Variants in CPPED1 observed in about 807,000 individuals in gnomAD.
CPPED1 encodes calcineurin like phosphoesterase domain containing 1.
Under a neutral mutation model 28.0 loss-of-function variants are expected in CPPED1, and 28 were observed. The ratio of observed to expected loss-of-function variants is 1.00; its 90% CI spans 0.74 to 1.37. CPPED1 has a LOEUF of 1.37. CPPED1 is among the 40% of genes most tolerant of loss of function. The pLI, the probability that CPPED1 is intolerant of heterozygous loss-of-function variation, is 0.00. For synonymous variants in CPPED1, 198 were observed against 180.2 expected, an observed-to-expected ratio of 1.10 and a Z score of -0.79; for missense variants, 504 against 416.5, an observed-to-expected ratio of 1.21 and a Z score of -1.83.
chr16:12,768,014 G>A (rs142222233), intron 2 of CPPED1, among the ~76,000 whole-genome samples: 15 of 152,242 alleles, frequency 9.9e-5, no homozygotes, highest in Admixed American at 3.3e-4. Context: ...TAGTGCCCCA[G>A]AAGGAAAGTT....
At chr16:12,706,040 TGTAAGA>T (rs2080048623) in intron 2 of CPPED1, among the ~76,000 whole-genome samples, 1 of 152,336 alleles carries the variant, frequency 6.6e-6, no homozygotes, top group East Asian at 1.9e-4. Flanking sequence ...TTGTTAGACG[TGTAAGA>T]GTTCAGAATT....
chr16:12,759,706 A>G (rs1007532620), intron 2 of CPPED1, among the ~76,000 whole-genome samples: 1 of 152,188 alleles, frequency 6.6e-6, no homozygotes, highest in Non-Finnish European at 1.5e-5. Flanking sequence ...AGTTCTCACA[A>G]GACCTGATGG....
At chr16:12,677,756 C>G (rs1425944262) in intron 3 of CPPED1, among the ~76,000 whole-genome samples, 1 of 152,234 alleles carries the variant, frequency 6.6e-6, no homozygotes, top group Non-Finnish European at 1.5e-5. Flanking sequence ...CCCTCTCATC[C>G]CCAAATCCTG....
At chr16:12,710,264 G>A (rs180943002) in intron 2 of CPPED1, among the ~76,000 whole-genome samples, 1 of 152,222 alleles carries the variant, frequency 6.6e-6, no homozygotes. Context: ...GAGATATTTG[G>A]GAGGTAGAAC....
At chr16:12,800,126 C>T (rs192342141) in intron 1 of CPPED1, among the ~76,000 whole-genome samples, 121 of 152,262 alleles carry the variant, frequency 7.9e-4, no homozygotes, top group African/African-American at 2.8e-3. Context: ...TAGGCACCTC[C>T]AGCTACAGCA....
intron 3 of CPPED1, among the ~76,000 whole-genome samples, chr16:12,687,927 A>C (rs1290495118): frequency 6.6e-6 from 1 of 152,136 alleles, no homozygotes; most frequent in African/African-American, 2.4e-5. Context: ...AAGGAATAAC[A>C]ACAACAAAAG....
chr16:12,719,125 C>T (rs1214071908), intron 2 of CPPED1, among the ~76,000 whole-genome samples: 1 of 152,128 alleles, frequency 6.6e-6, no homozygotes, highest in East Asian at 1.9e-4. Flanking sequence ...GAGACTTATT[C>T]ACTACCATAA....
chr16:12,719,308 G>A (rs1228900126), intron 2 of CPPED1, among the ~76,000 whole-genome samples: 1 of 150,474 alleles, frequency 6.6e-6, no homozygotes, highest in African/African-American at 2.4e-5. Context: ...GGAGAATGGC[G>A]TGAACCCAGG....
chr16:12,768,637 G>A (rs908407754), intron 2 of CPPED1, among the ~76,000 whole-genome samples: 1 of 152,144 alleles, frequency 6.6e-6, no homozygotes, highest in Non-Finnish European at 1.5e-5. Flanking sequence ...GGGGCCATGG[G>A]GATCTGGGGT....
chr16:12,671,493 G>T (rs1713474), intron 3 of CPPED1, among the ~76,000 whole-genome samples: 1 of 151,932 alleles, frequency 6.6e-6, no homozygotes, highest in Non-Finnish European at 1.5e-5. Context: ...TGGTGAGTGG[G>T]GTTCTGGGAG....
intron 3 of CPPED1, among the ~76,000 whole-genome samples, chr16:12,669,657 A>C (rs1028277702): frequency 6.6e-6 from 1 of 152,222 alleles, no homozygotes; most frequent in Non-Finnish European, 1.5e-5. Flanking sequence ...AGGCCAGTAC[A>C]TAGACATTCG....
chr16:12,774,463 C>T (rs1419267019), intron 2 of CPPED1, among the ~76,000 whole-genome samples: 1 of 148,098 alleles, frequency 6.8e-6, no homozygotes, highest in South Asian at 2.1e-4. Flanking sequence ...GTGAGACTGT[C>T]TCAAAAAAAA....
intron 1 of CPPED1, among the ~76,000 whole-genome samples, chr16:12,791,346 G>A (rs1364567010): frequency 6.6e-6 from 1 of 152,100 alleles, no homozygotes; most frequent in East Asian, 1.9e-4. Context: ...TTAGTTTGCT[G>A]AGAATGATGG....
intron 1 of CPPED1, among the ~76,000 whole-genome samples, chr16:12,790,277 C>CAT (rs1429472042): frequency 6.6e-6 from 1 of 152,180 alleles, no homozygotes; most frequent in Non-Finnish European, 1.5e-5. Context: ...TTTGTCTCTG[C>CAT]TAATACATTT....
At chr16:12,782,802 C>T (rs976948548) in intron 1 of CPPED1, among the ~76,000 whole-genome samples, 1 of 151,954 alleles carries the variant, frequency 6.6e-6, no homozygotes, top group Non-Finnish European at 1.5e-5. Context: ...ACCCGGAAGG[C>T]GGAGGTTGCA....
At chr16:12,715,112 G>A (rs2080100648) in intron 2 of CPPED1, among the ~76,000 whole-genome samples, 1 of 152,096 alleles carries the variant, frequency 6.6e-6, no homozygotes, top group South Asian at 2.1e-4. Flanking sequence ...CCCTAAATGT[G>A]AGGATTTCTG....
At chr16:12,694,389 GC>G (rs1473388999) in intron 3 of CPPED1, among the ~76,000 whole-genome samples, 1 of 152,008 alleles carries the variant, frequency 6.6e-6, no homozygotes, top group Non-Finnish European at 1.5e-5. Flanking sequence ...ATTTACACAC[GC>G]CAGATTCTCA....
At chr16:12,714,025 T>A (rs2080093605) in intron 2 of CPPED1, among the ~76,000 whole-genome samples, 1 of 152,200 alleles carries the variant, frequency 6.6e-6, no homozygotes, top group African/African-American at 2.4e-5. Context: ...AGAAATAGAA[T>A]CATATAAAAT....
chr16:12,664,719 T>A lies in CPPED1; in HGVS notation c.*167A>T, dbSNP rs1426516487. On this transcript the variant is annotated 3_prime_UTR_variant, in exon 4 of 4. Coordinates refer to ENST00000381774, the MANE Select transcript of CPPED1 (RefSeq NM_018340.3). The surrounding 1 kb of genome is among the most constrained non-coding windows in gnomAD (Gnocchi z 4.2). ...AAAGGAAATGCAGTTCTATTTTGAATATAATTCAGGACAGGGCCCCAGCTC... is the reference window on the plus strand; with the variant it reads ...AAAGGAAATGCAGTTCTATTTTGAAAATAATTCAGGACAGGGCCCCAGCTC... 6.9e-7 allele frequency: 1 copy of A among 1,458,978 alleles called. No homozygotes were observed. The highest frequency in any genetic ancestry group is 3.2e-5 in the Admixed American group (1 of 31,678). 90.4% of individuals were successfully genotyped at this position (1,458,978 alleles called of 1,614,324 possible). A position where few individuals can be genotyped will look rare whatever the true frequency, so the allele number is the denominator to read the frequency against.
Sources: allele counts gnomAD v4.1 joint callset (sites outside exome capture counted in the v4.1 genomes callset), GRCh38; gene constraint gnomAD v4.1.1; non-coding constraint Gnocchi (gnomAD v3.1); transcripts MANE v1.5; gene names NCBI Gene and HGNC (gene_info 2026-07-23, HGNC 2026-07-21).